PXDNL: variants seen among roughly 807,000 people sequenced by gnomAD.
PXDNL encodes peroxidasin like.
Under a neutral mutation model 150.8 loss-of-function variants are expected in PXDNL, and 145 were observed. The ratio of observed to expected loss-of-function variants is 0.96; its 90% CI spans 0.84 to 1.10. The LOEUF (loss-of-function observed/expected upper bound fraction) is 1.10. Among genes scored for constraint, PXDNL ranks in the 50% least tolerant of loss-of-function variants. The pLI, the probability that PXDNL is intolerant of heterozygous loss-of-function variation, is 0.00. For missense variants in PXDNL, 2,087 were observed against 1,873.9 expected, an observed-to-expected ratio of 1.11 and a Z score of -2.10; for synonymous variants, 757 against 725.7, an observed-to-expected ratio of 1.04 and a Z score of -0.69.
At chr8:51,712,647 T>G (rs1816523686) in intron 1 of PXDNL, among the ~76,000 whole-genome samples, 1 of 152,300 alleles carries the variant, frequency 6.6e-6, no homozygotes, top group Non-Finnish European at 1.5e-5. Flanking sequence ...TATTACAGTA[T>G]AAGAAAATAT....
intron 4 of PXDNL, among the ~76,000 whole-genome samples, chr8:51,515,793 G>C (rs866577067): frequency 6.6e-6 from 1 of 152,160 alleles, no homozygotes; most frequent in Non-Finnish European, 1.5e-5. Context: ...CTCATATATA[G>C]ACATACAAAG....
chr8:51,421,409 G>A (rs1169830382), intron 14 of PXDNL, among the ~76,000 whole-genome samples: 3 of 152,092 alleles, frequency 2.0e-5, no homozygotes, highest in African/African-American at 7.2e-5. Flanking sequence ...GTAACGTTAA[G>A]AAACTTTAGG....
chr8:51,786,312 G>A (rs1423970821), intron 1 of PXDNL, among the ~76,000 whole-genome samples: 3 of 151,986 alleles, frequency 2.0e-5, no homozygotes, highest in African/African-American at 7.3e-5. Flanking sequence ...GAGCTCCAGC[G>A]ATTCTCCTGC....
At chr8:51,448,857 T>C (rs1809741219) in intron 11 of PXDNL, 145 bp downstream of exon 11, 1 of 673,392 alleles carries the variant, frequency 1.5e-6, no homozygotes, top group African/African-American at 1.8e-5. Flanking sequence ...TATGATGATG[T>C]CATATTTAGA....
intron 17 of PXDNL, among the ~76,000 whole-genome samples, chr8:51,379,546 T>A (rs892417333): frequency 6.6e-6 from 1 of 152,172 alleles, no homozygotes; most frequent in Non-Finnish European, 1.5e-5. Context: ...TTACTGTTAA[T>A]TATCTATATA....
chr8:51,611,915 A>G (rs921285506), intron 2 of PXDNL, among the ~76,000 whole-genome samples: 2 of 152,364 alleles, frequency 1.3e-5, no homozygotes, highest in South Asian at 4.1e-4. Flanking sequence ...GGCCCGGGGC[A>G]CCAGCGATGG....
intron 1 of PXDNL, among the ~76,000 whole-genome samples, chr8:51,775,488 G>A (rs563649762): frequency 2.5e-4 from 38 of 152,270 alleles, no homozygotes; most frequent in African/African-American, 7.0e-4. Flanking sequence ...GACCTTGAAC[G>A]GAGGGACTAG....
At chr8:51,494,183 C>T (rs1273395605) in intron 5 of PXDNL, among the ~76,000 whole-genome samples, 1 of 152,046 alleles carries the variant, frequency 6.6e-6, no homozygotes, top group African/African-American at 2.4e-5. Context: ...CCAAACTAAG[C>T]TTCATAACTG....
At chr8:51,499,585 G>A (rs942833008) in intron 5 of PXDNL, 114 bp downstream of exon 5, 10 of 732,626 alleles carry the variant, frequency 1.4e-5, no homozygotes, top group African/African-American at 1.1e-4. Flanking sequence ...CAAGGTACAG[G>A]CTCTGCCTCT....
At chr8:51,330,628 G>A (rs914035757) in intron 21 of PXDNL, among the ~76,000 whole-genome samples, 6 of 152,132 alleles carry the variant, frequency 3.9e-5, no homozygotes, top group African/African-American at 7.2e-5. Flanking sequence ...CTTGCAGATG[G>A]TTATCAACTA....
chr8:51,802,986 G>A (rs1361878784), intron 1 of PXDNL, among the ~76,000 whole-genome samples: 1 of 152,156 alleles, frequency 6.6e-6, no homozygotes, highest in Admixed American at 6.5e-5. Context: ...CTAAGCAAAG[G>A]AATACATTTA....
At chr8:51,343,080 C>G (rs556797751) in intron 20 of PXDNL, among the ~76,000 whole-genome samples, 8 of 151,982 alleles carry the variant, frequency 5.3e-5, no homozygotes, top group Non-Finnish European at 8.8e-5. Flanking sequence ...GTGAATGTTG[C>G]TATATTTTGG....
intron 17 of PXDNL, among the ~76,000 whole-genome samples, chr8:51,388,652 G>A (rs757477988): frequency 6.6e-6 from 1 of 151,934 alleles, no homozygotes; most frequent in Non-Finnish European, 1.5e-5. Context: ...TTCAAACTGG[G>A]TCTCTCTCTC....
intron 17 of PXDNL, among the ~76,000 whole-genome samples, chr8:51,403,730 T>C (rs1808342262): frequency 6.6e-6 from 1 of 152,232 alleles, no homozygotes; most frequent in Non-Finnish European, 1.5e-5. Flanking sequence ...TAAATGTGTC[T>C]ACCCAAAATT....
intron 21 of PXDNL, among the ~76,000 whole-genome samples, chr8:51,329,164 G>C (rs1403611487): frequency 6.6e-6 from 1 of 152,170 alleles, no homozygotes; most frequent in Non-Finnish European, 1.5e-5. Context: ...AGAAAGCTGA[G>C]GTTTCATCAG....
intron 19 of PXDNL, among the ~76,000 whole-genome samples, chr8:51,355,251 G>A (rs1257433515): frequency 6.6e-6 from 1 of 152,130 alleles, no homozygotes; most frequent in Non-Finnish European, 1.5e-5. Context: ...AGTCTCTTAT[G>A]AAAGAAATTA....
chr8:51,584,464 T>C (rs1226340048), intron 3 of PXDNL, among the ~76,000 whole-genome samples: 1 of 152,222 alleles, frequency 6.6e-6, no homozygotes, highest in Non-Finnish European at 1.5e-5. Flanking sequence ...AATTGCTGTG[T>C]TCATCTATTC....
intron 1 of PXDNL, among the ~76,000 whole-genome samples, chr8:51,661,837 T>A (rs1297490322): frequency 3.4e-5 from 5 of 148,634 alleles, no homozygotes; most frequent in Non-Finnish European, 7.4e-5. Context: ...GGTGATTTTT[T>A]CTTTCTTTTC....
chr8:51,807,490 A>G (rs2037690448), intron 1 of PXDNL, among the ~76,000 whole-genome samples: 1 of 152,160 alleles, frequency 6.6e-6, no homozygotes, highest in Non-Finnish European at 1.5e-5. Context: ...TTGGGTGGGG[A>G]CACAGATCCA....
Sources: gnomAD v4.1 joint callset for allele counts (sites outside exome capture counted in the v4.1 genomes callset) on GRCh38, gnomAD v4.1.1 for gene constraint, MANE v1.5 for transcripts, NCBI Gene and HGNC (gene_info 2026-07-23, HGNC 2026-07-21) for gene names.